PCDHA5: variants seen among roughly 807,000 people sequenced by gnomAD.
The protein encoded by PCDHA5 is protocadherin alpha-5.
A neutral mutation model predicts 61.6 loss-of-function variants in PCDHA5; 43 were observed. That is an observed-to-expected ratio of 0.70 (90% CI 0.55 to 0.90). The LOEUF is 0.90. Among genes scored for constraint, PCDHA5 ranks in the 40% least tolerant of loss-of-function variants. The pLI, the probability that PCDHA5 is intolerant of heterozygous loss-of-function variation, is 0.00. For missense variants in PCDHA5, 1,298 were observed against 1,222.7 expected, an observed-to-expected ratio of 1.06 and a Z score of -0.92; for synonymous variants, 627 against 543.9, an observed-to-expected ratio of 1.15 and a Z score of -2.13.
intron 1 of PCDHA5, chr5:140,883,594 G>T: frequency 1.9e-6 from 3 of 1,614,032 alleles, no homozygotes; most frequent in Non-Finnish European, 2.5e-6. Context: ...CCAGCGTGTC[G>T]GTGGGGGTGG....
chr5:140,855,741 A>C, intron 1 of PCDHA5: 2 of 313,634 alleles, frequency 6.4e-6, no homozygotes, highest in Non-Finnish European at 5.9e-6. Flanking sequence ...AAGAGACGTA[A>C]TGTGAGGCTT....
chr5:140,921,440 G>C (rs1026829665), intron 1 of PCDHA5, among the ~76,000 whole-genome samples: 1 of 152,056 alleles, frequency 6.6e-6, no homozygotes, highest in South Asian at 2.1e-4. Flanking sequence ...CTTCAATGGT[G>C]TCTGAAAAGG....
At chr5:140,936,863 A>G (rs1177234152) in intron 1 of PCDHA5, among the ~76,000 whole-genome samples, 1 of 152,120 alleles carries the variant, frequency 6.6e-6, no homozygotes, top group East Asian at 1.9e-4. Context: ...CTCAGTTTCT[A>G]TTTTAAAAAA....
chr5:140,851,840 T>G, intron 1 of PCDHA5: 1 of 970,530 alleles, frequency 1.0e-6, no homozygotes, highest in South Asian at 4.8e-5. Context: ...TAAAAATATC[T>G]TTTTCTCCTC....
intron 1 of PCDHA5, chr5:140,876,123 C>T (rs782271666): frequency 6.2e-7 from 1 of 1,613,906 alleles, no homozygotes; most frequent in East Asian, 2.2e-5. Flanking sequence ...TAATCGATGG[C>T]GGTAAACCAG....
chr5:140,836,677 C>T, intron 1 of PCDHA5: 1 of 1,613,398 alleles, frequency 6.2e-7, no homozygotes, highest in East Asian at 2.2e-5. Context: ...GAGGGCCCAC[C>T]CAAGACAGAC....
intron 1 of PCDHA5, chr5:140,831,346 C>T (rs1204260728): frequency 1.4e-5 from 2 of 140,818 alleles, no homozygotes; most frequent in South Asian, 2.4e-4. Context: ...GTAATTTAAA[C>T]TATTCACTAT....
intron 1 of PCDHA5, among the ~76,000 whole-genome samples, chr5:140,946,042 C>T (rs967126849): frequency 4.6e-4 from 70 of 152,118 alleles, no homozygotes; most frequent in African/African-American, 1.6e-3. Flanking sequence ...AGTGAAGGGA[C>T]AATCCACAGA....
At chr5:141,007,149 T>G (rs980574316) in intron 3 of PCDHA5, among the ~76,000 whole-genome samples, 12 of 152,084 alleles carry the variant, frequency 7.9e-5, no homozygotes, top group African/African-American at 2.9e-4. Context: ...CAAAGGAAAC[T>G]GTCAAAGAAC....
At chr5:140,856,624 G>T in intron 1 of PCDHA5, 1 of 1,597,992 alleles carries the variant, frequency 6.3e-7, no homozygotes, top group Non-Finnish European at 8.6e-7. Context: ...AATTCCCAGT[G>T]CTTGTTCTGC....
At chr5:140,865,279 T>C (rs2048807818) in intron 1 of PCDHA5, 1 of 152,232 alleles carries the variant, frequency 6.6e-6, no homozygotes, top group African/African-American at 2.4e-5. Flanking sequence ...TATGTAAAAT[T>C]ACTTTGCTCT....
rs201652283 is a variant in PCDHA5, at chr5:141,009,916, G to A, written c.2790G>A (p.Thr930=). The A allele has an allele frequency of 4.3e-6, 7 of 1,611,506 alleles. No homozygotes were observed. The highest frequency in any genetic ancestry group is 2.2e-5 in the East Asian group (1 of 44,862). ...TQEKKEKGNS[T]TDNSDQ is the part of the protein sequence containing the mutation. The stretch of plus-strand genomic sequence containing the variant: ...AGAAAAAAGAGAAAGGGAACAGCAC[G>A]ACTGACAACAGTGACCAGTGAGGTC... Residue 930 remains threonine (T), a synonymous_variant, in exon 4 of 4, where the codon ACG becomes ACA. Coordinates refer to ENST00000529859, the MANE Select transcript of PCDHA5 (RefSeq NM_018908.3).
chr5:140,842,355 A>G lies in PCDHA5; in HGVS notation c.2352+18228A>G, dbSNP rs2150334539. ...TTAGTGAGAATTTTGGATAAAAATG[A>G]TAACGTCCCTGAGATAGCACTGACT... On this transcript the variant is annotated intron_variant, in intron 1 of 3. Transcript: ENST00000529859. The G allele has an allele frequency of 9.3e-6, 15 of 1,607,494 alleles. 1 individual carries two copies. In the East Asian group the frequency reaches 3.1e-4, roughly 33 times the overall value.
intron 3 of PCDHA5, among the ~76,000 whole-genome samples, chr5:140,999,698 T>C (rs903538308): frequency 2.0e-5 from 3 of 152,192 alleles, no homozygotes; most frequent in Non-Finnish European, 4.4e-5. Flanking sequence ...ATGTGATTTT[T>C]TTTTAGCTAA....
chr5:140,975,623 A>G (rs2096675265), intron 1 of PCDHA5, among the ~76,000 whole-genome samples: 1 of 152,244 alleles, frequency 6.6e-6, no homozygotes, highest in Admixed American at 6.5e-5. Flanking sequence ...ATGGATTTCC[A>G]TGGTACGAAG....
chr5:140,833,759 C>CAG (rs1336906298), intron 1 of PCDHA5, among the ~76,000 whole-genome samples: 1 of 151,910 alleles, frequency 6.6e-6, no homozygotes, highest in Non-Finnish European at 1.5e-5. Context: ...AAAACACACA[C>CAG]ACACACACCG....
intron 1 of PCDHA5, among the ~76,000 whole-genome samples, chr5:140,972,633 T>G (rs1230723429): frequency 6.6e-6 from 1 of 151,644 alleles, no homozygotes; most frequent in Non-Finnish European, 1.5e-5. Context: ...TGGCACTCCC[T>G]TCAGAGTCTC....
At chr5:140,854,069 A>G (rs1432539790) in intron 1 of PCDHA5, 1 of 273,288 alleles carries the variant, frequency 3.7e-6, no homozygotes, top group Non-Finnish European at 5.6e-6. Context: ...GGCTGAGGCG[A>G]GAGAATCGCT....
At chr5:140,955,312 C>T (rs1022804259) in intron 1 of PCDHA5, among the ~76,000 whole-genome samples, 2 of 152,100 alleles carry the variant, frequency 1.3e-5, no homozygotes, top group Admixed American at 6.6e-5. Flanking sequence ...ACCCAAATCT[C>T]ACCTTGAATT....
Sources: allele counts gnomAD v4.1 joint callset (sites outside exome capture counted in the v4.1 genomes callset), GRCh38; gene constraint gnomAD v4.1.1; transcripts MANE v1.5; gene names NCBI Gene and HGNC (gene_info 2026-07-23, HGNC 2026-07-21).